The following NPEPPS variants were observed in gnomAD, a reference collection of about 807,000 sequenced individuals.
NPEPPS encodes puromycin-sensitive aminopeptidase.
Under a neutral mutation model 115.5 loss-of-function variants are expected in NPEPPS, and 14 were observed. The observed-to-expected ratio is 0.12, with a 90% confidence interval of 0.08 to 0.19. The LOEUF (loss-of-function observed/expected upper bound fraction) is 0.19. NPEPPS is among the 10% of genes least tolerant of loss of function. NPEPPS has a pLI of 1.00. For missense variants in NPEPPS, 523 were observed against 1,110.8 expected (o/e 0.47, Z 7.52); for synonymous variants, 285 against 390.6 (o/e 0.73, Z 3.19).
intron 1 of NPEPPS, among the ~76,000 whole-genome samples, chr17:47,532,769 C>T (rs1032392117): frequency 2.0e-5 from 3 of 151,666 alleles, no homozygotes; most frequent in Non-Finnish European, 2.9e-5. Context: ...TCATACTCCA[C>T]TCCCTCCTCC....
chr17:47,560,717 G>A (rs2261433), intron 2 of NPEPPS, among the ~76,000 whole-genome samples: 5 of 152,112 alleles, frequency 3.3e-5, no homozygotes, highest in African/African-American at 1.2e-4. Flanking sequence ...AGTAGCAGGT[G>A]GTCACTGTAG....
chr17:47,540,494 A>G lies in NPEPPS; in HGVS notation c.256-5415A>G, dbSNP rs1908669939. Reference sequence around the variant, plus strand: ...CATCAGGTCAGCACTACTGTTTGGAAGAGCAGCATCACAATGAGCAGTGTT... The same window carrying G: ...CATCAGGTCAGCACTACTGTTTGGAGGAGCAGCATCACAATGAGCAGTGTT... On this transcript the variant is annotated intron_variant, in intron 1 of 22. Coordinates refer to ENST00000322157, the MANE Select transcript of NPEPPS (RefSeq NM_006310.4). 2.0e-5 allele frequency among the ~76,000 whole-genome samples: 3 copies of G among 152,228 alleles called. No individual in the cohort carries two copies. In the South Asian group the frequency reaches 6.2e-4, roughly 32 times the overall value.
At position 47,569,475 on chromosome 17, in the gene NPEPPS, C is replaced by G; in HGVS notation, c.399C>G (p.Phe133Leu). Reference protein sequence around the residue: ...QNEDEKVTLSFPSTLQTGTGT... With the variant: ...QNEDEKVTLSLPSTLQTGTGT... ...AAGATGAAAAAGTCACCTTGTCTTT[C>G]CCTAGTACTCTGCAAACAGGTAAGA... The change falls in exon 3 of 23, where the codon TTC (phenylalanine) becomes TTG (leucine). Residue 133 changes from phenylalanine (F) to leucine (L), a missense_variant. Physicochemically the swap from Phe to Leu is conservative, Grantham distance 22. Transcript: ENST00000322157. The G allele has an allele frequency of 2.8e-6, 4 of 1,449,570 alleles. No homozygotes were observed. Among genetic ancestry groups the G allele is most frequent in the Non-Finnish European group, 3.9e-6 (4 of 1,034,112 alleles). The allele number at this position is 1,449,570 out of a possible 1,614,324, so 89.8% of individuals were successfully genotyped here.
chr17:47,622,437 TTG>T lies in NPEPPS; in HGVS notation c.*518_*519del. 1.2e-5 allele frequency: 2 copies of T among 165,650 alleles called. No homozygotes were observed. Among genetic ancestry groups the T allele is most frequent in the Non-Finnish European group, 2.6e-5 (2 of 77,078 alleles). The allele number at this position is 165,650 out of a possible 1,614,324, so 10.3% of individuals were successfully genotyped here. A position where few individuals can be genotyped will look rare whatever the true frequency, so the allele number is the denominator to read the frequency against. On this transcript the variant is annotated 3_prime_UTR_variant, in exon 23 of 23. Coordinates refer to ENST00000322157, the MANE Select transcript of NPEPPS (RefSeq NM_006310.4). ...TAATTCCAAGTGGCTTTTTTTTTTT[TTG>T]GCACGGGGACTGATCAGGAAGATAT...
At position 47,620,821 on chromosome 17, in the gene NPEPPS, G is replaced by A. The variant is rs897545918; in HGVS notation, c.2608-947G>A. Among the ~76,000 whole-genome samples, 71 of 152,208 alleles carry A rather than the reference G, an allele frequency of 4.7e-4. 1 individual carries two copies. Among genetic ancestry groups the A allele is most frequent in the African/African-American group, 1.6e-3 (66 of 41,436 alleles). On this transcript the variant is annotated intron_variant, in intron 22 of 22. Transcript: ENST00000322157. ...TGCTTTGTTTTCTGTGAAACCAGGT[G>A]TACTGCATTAGAAAAGTTTATTCAA...
intron 1 of NPEPPS, among the ~76,000 whole-genome samples, chr17:47,544,146 G>T (rs1380874355): frequency 4.0e-5 from 6 of 151,686 alleles, no homozygotes; most frequent in African/African-American, 1.2e-4. Context: ...CGCCTGCCTC[G>T]GCCTCCCAAA....
At chr17:47,534,097 C>CT (rs911885695) in intron 1 of NPEPPS, among the ~76,000 whole-genome samples, 64 of 145,872 alleles carry the variant, frequency 4.4e-4, no homozygotes, top group Middle Eastern at 3.5e-3. Flanking sequence ...TGACAAAATT[C>CT]TTTTTTTTTT....
chr17:47,598,932 T>C lies in NPEPPS; in HGVS notation c.1537-744T>C, dbSNP rs143348752. On this transcript the variant is annotated intron_variant, in intron 13 of 22. Coordinates refer to ENST00000322157, the MANE Select transcript of NPEPPS (RefSeq NM_006310.4). ...AGGAGGCTAAGGCAGGAGGATTGCT[T>C]GAACCTAGGAGTTTGAGATCATCCT... 2.8e-3 allele frequency among the ~76,000 whole-genome samples: 426 copies of C among 152,276 alleles called. 4 individuals carry two copies. The highest frequency in any genetic ancestry group is 9.9e-3 in the African/African-American group (410 of 41,562).
At chr17:47,539,948 A>C (rs1389515252) in intron 1 of NPEPPS, among the ~76,000 whole-genome samples, 1 of 152,140 alleles carries the variant, frequency 6.6e-6, no homozygotes, top group Non-Finnish European at 1.5e-5. Context: ...GTCACACTGG[A>C]GATTTTCTTT....
intron 8 of NPEPPS, 147 bp from the exon 9 acceptor site, chr17:47,587,083 A>G: frequency 1.5e-6 from 1 of 667,292 alleles, no homozygotes; most frequent in Admixed American, 3.5e-5. Context: ...AATCTTCGTG[A>G]AACTTTTTCT....
At chr17:47,616,004 T>TAA in intron 19 of NPEPPS, among the ~76,000 whole-genome samples, 1 of 152,292 alleles carries the variant, frequency 6.6e-6, no homozygotes, top group East Asian at 1.9e-4. Flanking sequence ...AATGTGGTGT[T>TAA]AGAGTGCCAT....
At chr17:47,601,530 T>G in intron 14 of NPEPPS, 78 bp from the exon 15 acceptor site, 1 of 1,542,246 alleles carries the variant, frequency 6.5e-7, no homozygotes, top group Non-Finnish European at 8.9e-7. Context: ...GGCTCCTGGT[T>G]AGAACACCAC....
At position 47,569,495 on chromosome 17, in the gene NPEPPS, G is replaced by A; in HGVS notation, c.418+1G>A. On this transcript the variant is annotated splice_donor_variant, in intron 3 of 22. Coordinates refer to ENST00000322157, the MANE Select transcript of NPEPPS (RefSeq NM_006310.4). LOFTEE classifies it high-confidence loss of function. Reference sequence around the variant, plus strand: ...TCTTTCCCTAGTACTCTGCAAACAGGTAAGAGACATAGCTTTTGTAAAATC... The same window carrying A: ...TCTTTCCCTAGTACTCTGCAAACAGATAAGAGACATAGCTTTTGTAAAATC... 7.7e-7 allele frequency: 1 copy of A among 1,304,632 alleles called. No homozygotes were observed. The highest frequency in any genetic ancestry group is 2.3e-5 in the East Asian group (1 of 43,228). The allele number at this position is 1,304,632 out of a possible 1,614,324, so 80.8% of individuals were successfully genotyped here.
At chr17:47,541,792 A>G (rs1423338162) in intron 1 of NPEPPS, among the ~76,000 whole-genome samples, 1 of 152,196 alleles carries the variant, frequency 6.6e-6, no homozygotes, top group Non-Finnish European at 1.5e-5. Context: ...CTATTTAGGT[A>G]TGTTTTGGTG....
At chr17:47,618,930 G>T (rs980067456) in intron 20 of NPEPPS, 79 bp from the exon 21 acceptor site, 1 of 1,262,686 alleles carries the variant, frequency 7.9e-7, no homozygotes, top group Non-Finnish European at 1.1e-6. Flanking sequence ...GATTACTTCA[G>T]TGTCACAGTA....
chr17:47,549,780 CA>C (rs34434179), intron 2 of NPEPPS, among the ~76,000 whole-genome samples: 1,098 of 43,366 alleles, frequency 0.025, 2 homozygotes, highest in Middle Eastern at 0.041. Flanking sequence ...GACTCTGTCT[CA>C]AAAAAAAAAA....
chr17:47,600,351 G>A (rs147736692), intron 14 of NPEPPS, among the ~76,000 whole-genome samples: 1 of 152,240 alleles, frequency 6.6e-6, no homozygotes, highest in Non-Finnish European at 1.5e-5. Flanking sequence ...TTGGAGAATT[G>A]CTTGAGCCCA....
At chr17:47,612,431 T>C (rs188440364) in intron 17 of NPEPPS, 29 bp from the exon 18 acceptor site, 2 of 1,611,176 alleles carry the variant, frequency 1.2e-6, no homozygotes, top group Non-Finnish European at 1.7e-6. Context: ...TTTTAAGTAG[T>C]CTTATGTCTC....
At chr17:47,563,298 C>T (rs1194666546) in intron 2 of NPEPPS, among the ~76,000 whole-genome samples, 3 of 152,050 alleles carry the variant, frequency 2.0e-5, no homozygotes, top group African/African-American at 7.2e-5. Context: ...TCCCAAAGTC[C>T]TGGGATTACA....
Sources: allele counts gnomAD v4.1 joint callset (sites outside exome capture counted in the v4.1 genomes callset), GRCh38; gene constraint gnomAD v4.1.1; transcripts MANE v1.5; gene names NCBI Gene and HGNC (gene_info 2026-07-23, HGNC 2026-07-21).